ARHGAP26: variants seen among roughly 807,000 people sequenced by gnomAD.
The protein encoded by ARHGAP26 is Rho GTPase activating protein 26, also known as rho GTPase-activating protein 26.
A neutral mutation model predicts 104.8 loss-of-function variants in ARHGAP26; 38 were observed. The observed-to-expected ratio is 0.36, with a 90% CI of 0.28 to 0.48. The LOEUF (loss-of-function observed/expected upper bound fraction) is 0.48, where lower values mean the gene tolerates loss of function less well. Among genes scored for constraint, ARHGAP26 ranks in the 20% least tolerant of loss-of-function variants. The pLI is 0.99. For missense variants in ARHGAP26, 704 were observed against 947.9 expected, an observed-to-expected ratio of 0.74 and a Z score of 3.38; for synonymous variants, 341 against 340.0, an observed-to-expected ratio of 1.00 and a Z score of -0.03.
At chr5:143,196,546 A>G (rs1806863465) in intron 20 of ARHGAP26, among the ~76,000 whole-genome samples, 2 of 152,296 alleles carry the variant, frequency 1.3e-5, no homozygotes, top group Non-Finnish European at 2.9e-5. Context: ...TTGATTTATT[A>G]ACATTGAACT....
At chr5:142,913,367 A>G (rs1432125426) in intron 10 of ARHGAP26, 74 bp downstream of exon 10, 2 of 1,404,628 alleles carry the variant, frequency 1.4e-6, no homozygotes, top group Non-Finnish European at 2.0e-6. Context: ...TTTCCAGTCA[A>G]ACCTTTTCTG....
At chr5:143,147,130 A>G (rs1562506087) in intron 19 of ARHGAP26, 101 bp from the exon 20 acceptor site, 3 of 1,304,568 alleles carry the variant, frequency 2.3e-6, no homozygotes, top group African/African-American at 1.5e-5. Context: ...GGGATCAGAG[A>G]TCTTGATCCA....
chr5:142,806,486 TG>T (rs1194473563), intron 1 of ARHGAP26, among the ~76,000 whole-genome samples: 1 of 151,948 alleles, frequency 6.6e-6, no homozygotes, highest in African/African-American at 2.4e-5. Context: ...TGTGTGTGTG[TG>T]TGTGTGTGTG....
chr5:143,066,577 AG>A (rs1787526516), intron 17 of ARHGAP26, among the ~76,000 whole-genome samples: 1 of 152,186 alleles, frequency 6.6e-6, no homozygotes, highest in South Asian at 2.1e-4. Context: ...AGCTGGTTTT[AG>A]GGTATGGGAA....
chr5:142,827,648 A>G (rs1767555000), intron 1 of ARHGAP26, among the ~76,000 whole-genome samples: 1 of 152,202 alleles, frequency 6.6e-6, no homozygotes, highest in Non-Finnish European at 1.5e-5. Flanking sequence ...TACAGAGGTC[A>G]ATGGCGTGGG....
intron 11 of ARHGAP26, among the ~76,000 whole-genome samples, chr5:142,950,841 A>G (rs1768218623): frequency 6.6e-6 from 1 of 152,220 alleles, no homozygotes. Context: ...GAAGGCTAGC[A>G]TCTGTCAAGA....
intron 17 of ARHGAP26, among the ~76,000 whole-genome samples, chr5:143,104,070 A>C (rs1793656360): frequency 6.6e-6 from 1 of 151,986 alleles, no homozygotes. Context: ...AAAAGCTTTC[A>C]AAATAGCAAT....
chr5:143,100,195 G>A (rs975786926), intron 17 of ARHGAP26, among the ~76,000 whole-genome samples: 4 of 152,156 alleles, frequency 2.6e-5, no homozygotes, highest in Non-Finnish European at 4.4e-5. Context: ...ATTGAGAGAC[G>A]TGAAATATCA....
rs180760991 is a variant in ARHGAP26, at chr5:143,087,958, C to G, written c.1538+30211C>G. 2.9e-3 allele frequency among the ~76,000 whole-genome samples: 444 copies of G among 152,098 alleles called. 2 individuals carry two copies. The highest frequency in any genetic ancestry group is 4.7e-3 in the Non-Finnish European group (321 of 67,990). ...GCCACCACGCCTGGCCTATCCTGGC[C>G]CATTCTTTAGAAGAGTGAGTCCTTC... On this transcript the variant is annotated intron_variant, in intron 17 of 22. Transcript: ENST00000645722.
At chr5:142,901,822 A>G (rs1760383216) in intron 6 of ARHGAP26, 113 bp from the exon 7 acceptor site, 2 of 805,258 alleles carry the variant, frequency 2.5e-6, no homozygotes, top group Admixed American at 5.0e-5. Flanking sequence ...AATGTCAGCC[A>G]TTATTATTCT....
At position 142,923,203 on chromosome 5, in the gene ARHGAP26, C is replaced by T. The variant is rs116071147; in HGVS notation, c.1029-8844C>T. Among the ~76,000 whole-genome samples the T allele has an allele frequency of 5.0e-3, 754 of 151,668 alleles. 7 individuals are homozygous for T. Among genetic ancestry groups the T allele is most frequent in the African/African-American group, 0.017 (721 of 41,340 alleles). On this transcript the variant is annotated intron_variant, in intron 10 of 22. Coordinates refer to ENST00000645722, the MANE Select transcript of ARHGAP26 (RefSeq NM_001135608.3). ...TGATTGGGAGGGTGATTGAGGCAAC[C>T]CTATTTTTACTCTTTAGTCTGCCTG...
chr5:143,035,874 T>C (rs1372620581), intron 12 of ARHGAP26, among the ~76,000 whole-genome samples: 1 of 146,252 alleles, frequency 6.8e-6, no homozygotes, highest in Non-Finnish European at 1.5e-5. Context: ...AGGCGAAGGT[T>C]GCAGTGAGCC....
intron 1 of ARHGAP26, among the ~76,000 whole-genome samples, chr5:142,803,225 A>G (rs1367623566): frequency 6.6e-6 from 1 of 152,212 alleles, no homozygotes; most frequent in East Asian, 1.9e-4. Flanking sequence ...TAAAATTTGA[A>G]CTTCAGATAA....
intron 22 of ARHGAP26, among the ~76,000 whole-genome samples, chr5:143,221,226 A>T (rs1290657960): frequency 6.6e-6 from 1 of 152,082 alleles, no homozygotes; most frequent in Non-Finnish European, 1.5e-5. Flanking sequence ...TTCCATGGAG[A>T]TGGATCATGA....
intron 20 of ARHGAP26, among the ~76,000 whole-genome samples, chr5:143,151,638 T>C (rs1164696943): frequency 6.6e-6 from 1 of 152,206 alleles, no homozygotes; most frequent in Non-Finnish European, 1.5e-5. Context: ...ATGGAGGAAC[T>C]TTTAATGCAT....
intron 11 of ARHGAP26, among the ~76,000 whole-genome samples, chr5:142,967,519 C>T (rs1304026306): frequency 6.6e-6 from 1 of 152,192 alleles, no homozygotes; most frequent in East Asian, 1.9e-4. Context: ...CGGTGGCTCA[C>T]GCCTGTAATC....
rs187952259 is a variant in ARHGAP26 at position 142,834,036 on chromosome 5, G to A, written c.155-39364G>A. On this transcript the variant is annotated intron_variant, in intron 1 of 22. Transcript: ENST00000645722. ...AAACTAGATTTGTGTATGTTATATC[G>A]GGGTGCTTCTTGAGGAAATTTTGAT... Among the ~76,000 whole-genome samples the A allele has an allele frequency of 1.3e-4, 20 of 152,232 alleles. No homozygotes were observed. The East Asian group carries it at 3.5e-3, about 26-fold the overall frequency.
At chr5:142,801,650 G>A (rs993967906) in intron 1 of ARHGAP26, among the ~76,000 whole-genome samples, 1 of 150,676 alleles carries the variant, frequency 6.6e-6, no homozygotes, top group African/African-American at 2.4e-5. Context: ...GAGATGGATT[G>A]CCTTCCAAAG....
At chr5:143,112,843 G>T (rs1794933594) in intron 17 of ARHGAP26, among the ~76,000 whole-genome samples, 1 of 152,132 alleles carries the variant, frequency 6.6e-6, no homozygotes, top group Non-Finnish European at 1.5e-5. Context: ...AACACATTTT[G>T]CTTATCTGTT....
Sources: gnomAD v4.1 joint callset for allele counts (sites outside exome capture counted in the v4.1 genomes callset) on GRCh38, gnomAD v4.1.1 for gene constraint, MANE v1.5 for transcripts, NCBI Gene and HGNC (gene_info 2026-07-23, HGNC 2026-07-21) for gene names.